ARHGAP15: variants seen among roughly 807,000 people sequenced by gnomAD.
The protein encoded by ARHGAP15 is Rho GTPase activating protein 15, also known as rho GTPase-activating protein 15.
A neutral mutation model predicts 63.7 loss-of-function variants in ARHGAP15; 51 were observed. The observed-to-expected ratio is 0.80, with a 90% confidence interval of 0.64 to 1.01. The LOEUF is 1.01. Ranked by LOEUF, ARHGAP15 falls within the 50% of genes least tolerant of loss-of-function variation. The pLI is 0.00. For synonymous variants in ARHGAP15, 191 were observed against 193.8 expected (o/e 0.99, Z 0.12); for missense variants, 560 against 564.6 (o/e 0.99, Z 0.08).
At chr2:143,234,073 AT>A (rs1005798196) in intron 5 of ARHGAP15, among the ~76,000 whole-genome samples, 60 of 151,914 alleles carry the variant, frequency 3.9e-4, no homozygotes, top group Admixed American at 1.0e-3. Context: ...TTTTTCTTAT[AT>A]TTTTGTCTTT....
chr2:143,237,239 T>C (rs1414293253), intron 5 of ARHGAP15: 1 of 152,174 alleles, frequency 6.6e-6, no homozygotes, highest in Non-Finnish European at 1.5e-5. Flanking sequence ...CAGGACTTGG[T>C]AAATTATCCG....
intron 6 of ARHGAP15, among the ~76,000 whole-genome samples, chr2:143,407,837 T>A (rs926165933): frequency 1.3e-5 from 2 of 150,922 alleles, no homozygotes; most frequent in African/African-American, 4.8e-5. Context: ...TTTGCCAAAT[T>A]ATCTTTTCCT....
intron 11 of ARHGAP15, chr2:143,608,654 CT>C (rs1242348279): frequency 1.3e-5 from 2 of 152,116 alleles, no homozygotes; most frequent in Admixed American, 6.5e-5. Context: ...CACAGATCCT[CT>C]TGTTTCTAAG....
At chr2:143,500,661 T>C (rs756296052) in intron 9 of ARHGAP15, among the ~76,000 whole-genome samples, 1 of 152,214 alleles carries the variant, frequency 6.6e-6, no homozygotes, top group South Asian at 2.1e-4. Flanking sequence ...CCCAAAATTA[T>C]AATGTATATA....
chr2:143,729,932 A>G (rs1685452056), intron 13 of ARHGAP15, among the ~76,000 whole-genome samples: 1 of 152,184 alleles, frequency 6.6e-6, no homozygotes, highest in African/African-American at 2.4e-5. Context: ...GGGAGAAATC[A>G]TAAATAAGTA....
At chr2:143,655,618 T>C (rs888282102) in intron 12 of ARHGAP15, among the ~76,000 whole-genome samples, 1 of 152,342 alleles carries the variant, frequency 6.6e-6, no homozygotes, top group Admixed American at 6.5e-5. Flanking sequence ...GGATTTTAGC[T>C]TTTGTATATT....
At chr2:143,335,805 A>G (rs375737522) in intron 6 of ARHGAP15, among the ~76,000 whole-genome samples, 15 of 152,210 alleles carry the variant, frequency 9.9e-5, no homozygotes, top group South Asian at 2.1e-4. Flanking sequence ...GGAAAAGCCA[A>G]TGTTCACATT....
intron 10 of ARHGAP15, among the ~76,000 whole-genome samples, chr2:143,537,491 C>A (rs574167887): frequency 9.3e-4 from 141 of 152,264 alleles, no homozygotes; most frequent in Non-Finnish European, 1.5e-3. Context: ...AGGTTTTCTT[C>A]TAGAGTTTTT....
chr2:143,361,105 G>C (rs59000639), intron 6 of ARHGAP15, among the ~76,000 whole-genome samples: 2 of 152,072 alleles, frequency 1.3e-5, no homozygotes, highest in South Asian at 4.1e-4. Flanking sequence ...GAATTGCAGA[G>C]AGAGAAGCTA....
At chr2:143,734,782 TTC>T (rs146282789) in intron 13 of ARHGAP15, among the ~76,000 whole-genome samples, 1,652 of 152,330 alleles carry the variant, frequency 0.011, 32 homozygotes, top group African/African-American at 0.038. Flanking sequence ...CTGAATGGAT[TTC>T]TGTTTCTACA....
intron 8 of ARHGAP15, among the ~76,000 whole-genome samples, chr2:143,484,535 A>T (rs1208805303): frequency 6.6e-6 from 1 of 152,142 alleles, no homozygotes; most frequent in Non-Finnish European, 1.5e-5. Context: ...TATCTCAAAA[A>T]TAAATGAATA....
chr2:143,313,841 A>T (rs950133284), intron 6 of ARHGAP15, among the ~76,000 whole-genome samples: 1 of 152,126 alleles, frequency 6.6e-6, no homozygotes, highest in Admixed American at 6.6e-5. Context: ...TCAAGCAGGC[A>T]CTTGGAACTT....
rs72853802 is a variant in ARHGAP15 at position 143,491,390 on chromosome 2, T to C, written c.826+3895T>C. Among the ~76,000 whole-genome samples the C allele has an allele frequency of 5.8e-3, 880 of 152,330 alleles. 7 individuals carry two copies. The highest frequency in any genetic ancestry group is 0.011 in the Non-Finnish European group (739 of 68,032). On this transcript the variant is annotated intron_variant, in intron 9 of 13. Coordinates refer to ENST00000295095, the MANE Select transcript of ARHGAP15 (RefSeq NM_018460.4). The stretch of plus-strand genomic sequence containing the variant: ...TTAGAGAAGATAACCATTGTTTGGC[T>C]TTTTAGGAGCAATTAGTATGCCCTT...
At chr2:143,248,525 C>A (rs546218790) in intron 5 of ARHGAP15, among the ~76,000 whole-genome samples, 7 of 152,144 alleles carry the variant, frequency 4.6e-5, no homozygotes, top group Non-Finnish European at 8.8e-5. Flanking sequence ...TAAATCCTGG[C>A]CCCTCCTTTT....
intron 13 of ARHGAP15, among the ~76,000 whole-genome samples, chr2:143,758,745 G>A (rs923365325): frequency 2.6e-5 from 4 of 152,108 alleles, no homozygotes; most frequent in Non-Finnish European, 5.9e-5. Flanking sequence ...AAGGAAAAAA[G>A]AGCCATAACT....
intron 6 of ARHGAP15, among the ~76,000 whole-genome samples, chr2:143,386,839 A>AT (rs34540164): frequency 0.26 from 38,341 of 149,316 alleles, 5,695 homozygotes; most frequent in East Asian, 0.64. Flanking sequence ...TTGGTTGTTT[A>AT]TTTTTTTTTT....
At chr2:143,597,387 G>A (rs66778808) in intron 11 of ARHGAP15, among the ~76,000 whole-genome samples, 29,679 of 152,044 alleles carry the variant, frequency 0.2, 3,231 homozygotes, top group Middle Eastern at 0.28. Flanking sequence ...AATGTAGAAA[G>A]TCTACCTTTA....
chr2:143,458,015 T>C (rs1350024717), intron 8 of ARHGAP15, among the ~76,000 whole-genome samples: 1 of 151,946 alleles, frequency 6.6e-6, no homozygotes, highest in East Asian at 1.9e-4. Context: ...AACAAAAAAA[T>C]ATTATTGCAC....
At chr2:143,542,739 T>C (rs574543867) in intron 10 of ARHGAP15, among the ~76,000 whole-genome samples, 2 of 99,024 alleles carry the variant, frequency 2.0e-5, no homozygotes, top group African/African-American at 6.0e-5. Flanking sequence ...ATATATAATA[T>C]ATATATGATA....
Sources: allele counts gnomAD v4.1 joint callset (sites outside exome capture counted in the v4.1 genomes callset), GRCh38; gene constraint gnomAD v4.1.1; transcripts MANE v1.5; gene names NCBI Gene and HGNC (gene_info 2026-07-23, HGNC 2026-07-21).